The following TSPAN5 variants were observed in gnomAD, a reference collection of about 807,000 sequenced individuals.
TSPAN5 encodes tetraspanin 5, also known as tetraspanin-5.
TSPAN5 carries 10 observed loss-of-function variants against 37.1 expected under a neutral mutation model. That is an observed-to-expected ratio of 0.27 (90% CI 0.17 to 0.46). The LOEUF is 0.46. Ranked by LOEUF, TSPAN5 falls within the 20% of genes least tolerant of loss-of-function variation. TSPAN5 has a pLI of 1.00. For missense variants in TSPAN5, 195 were observed against 326.6 expected, an observed-to-expected ratio of 0.60 and a Z score of 3.11; for synonymous variants, 110 against 118.9, an observed-to-expected ratio of 0.93 and a Z score of 0.48.
rs189905086 is a variant in TSPAN5, at chr4:98,538,387, A to G, written c.82-30659T>C. ...GTCCAGAAAGCCACACACCAGCAGTACCAGTTCACTACATCAGCTCCTTAG... is the reference window on the plus strand; with the variant it reads ...GTCCAGAAAGCCACACACCAGCAGTGCCAGTTCACTACATCAGCTCCTTAG... On this transcript the variant is annotated intron_variant, in intron 1 of 7. Coordinates refer to ENST00000305798, the MANE Select transcript of TSPAN5 (RefSeq NM_005723.4). Among the ~76,000 whole-genome samples the G allele has an allele frequency of 8.1e-3, 1,240 of 152,294 alleles. 7 individuals carry two copies. Among genetic ancestry groups the G allele is most frequent in the Non-Finnish European group, 0.012 (846 of 68,016 alleles).
Position 98,550,777 on chromosome 4 carries a change from G to C in TSPAN5, c.82-43049C>G, listed in dbSNP as rs75733833. 1.3e-3 allele frequency among the ~76,000 whole-genome samples: 195 copies of C among 152,174 alleles called. 2 individuals are homozygous for C. The highest frequency in any genetic ancestry group is 4.5e-3 in the African/African-American group (186 of 41,552). ...ATTTATCAAATCTAAGAGTTTTTTG[G>C]TGGAGTCTTTAAGGTTTTCTAGATA... On this transcript the variant is annotated intron_variant, in intron 1 of 7. Transcript: ENST00000305798.
chr4:98,561,853 A>G (rs560214709), intron 1 of TSPAN5, among the ~76,000 whole-genome samples: 1 of 152,328 alleles, frequency 6.6e-6, no homozygotes, highest in South Asian at 2.1e-4. Context: ...AGACATAAAA[A>G]GAAGAGTGGT....
chr4:98,573,518 G>C (rs919739640), intron 1 of TSPAN5, among the ~76,000 whole-genome samples: 1 of 152,210 alleles, frequency 6.6e-6, no homozygotes, highest in Admixed American at 6.5e-5. Context: ...TTACAGGCTT[G>C]AGCCACCATG....
At position 98,504,169 on chromosome 4, in the gene TSPAN5, C is replaced by T. The variant is rs562225213; in HGVS notation, c.132+3509G>A. On this transcript the variant is annotated intron_variant, in intron 2 of 7. Coordinates refer to ENST00000305798, the MANE Select transcript of TSPAN5 (RefSeq NM_005723.4). The stretch of plus-strand genomic sequence containing the variant: ...TATCTGCTAAGAAAATGTGTTTCTT[C>T]CAGTGGAAATCTCATCCTTCCAGCT... Among the ~76,000 whole-genome samples, 4 of 152,268 alleles carry T rather than the reference C, an allele frequency of 2.6e-5. No homozygotes were observed. The South Asian group carries it at 6.2e-4, about 24-fold the overall frequency.
intron 1 of TSPAN5, among the ~76,000 whole-genome samples, chr4:98,617,981 T>C (rs75602528): frequency 0.018 from 2,805 of 152,324 alleles, 36 homozygotes; most frequent in South Asian, 0.051. Context: ...CAACAGGCCA[T>C]GGCATCTGCC....
intron 2 of TSPAN5, chr4:98,496,466 C>A (rs1753215842): frequency 6.6e-6 from 1 of 150,966 alleles, no homozygotes; most frequent in South Asian, 2.1e-4. Flanking sequence ...ATGGCTCCTT[C>A]CCATTTTTTC....
chr4:98,494,495 G>A (rs1454445686), intron 2 of TSPAN5, among the ~76,000 whole-genome samples: 4 of 127,330 alleles, frequency 3.1e-5, no homozygotes, highest in Non-Finnish European at 6.7e-5. Context: ...TACCTCATCT[G>A]CCTAAGCCTC....
intron 1 of TSPAN5, among the ~76,000 whole-genome samples, chr4:98,642,071 T>C (rs1282655255): frequency 6.6e-6 from 1 of 152,224 alleles, no homozygotes; most frequent in Non-Finnish European, 1.5e-5. Context: ...ATAGTTCTAA[T>C]ACTTGAGTGC....
intron 1 of TSPAN5, among the ~76,000 whole-genome samples, chr4:98,599,038 T>C (rs1755822732): frequency 1.3e-5 from 2 of 152,026 alleles, no homozygotes; most frequent in Admixed American, 6.5e-5. Context: ...TAACACACAA[T>C]CCAGAGGCTA....
intron 1 of TSPAN5, among the ~76,000 whole-genome samples, chr4:98,590,596 G>C (rs1429506332): frequency 2.6e-5 from 4 of 151,970 alleles, no homozygotes; most frequent in Non-Finnish European, 4.4e-5. Flanking sequence ...TGTAGTCCCA[G>C]CTACTCAGGA....
intron 1 of TSPAN5, 25 bp from the exon 2 acceptor site, chr4:98,507,753 A>C (rs1278673798): frequency 6.4e-7 from 1 of 1,564,200 alleles, no homozygotes; most frequent in Non-Finnish European, 8.7e-7. Context: ...AAGCAGTGTA[A>C]ATATAAGGGA....
intron 1 of TSPAN5, among the ~76,000 whole-genome samples, chr4:98,657,042 A>G (rs1282317106): frequency 6.6e-6 from 1 of 152,164 alleles, no homozygotes; most frequent in Non-Finnish European, 1.5e-5. Flanking sequence ...GACAGCCACC[A>G]TCTTTACTTT....
intron 1 of TSPAN5, among the ~76,000 whole-genome samples, chr4:98,643,146 T>A (rs893920344): frequency 2.0e-5 from 3 of 152,172 alleles, no homozygotes; most frequent in Non-Finnish European, 2.9e-5. Flanking sequence ...GTGTACCACT[T>A]TTTTATCTTT....
chr4:98,479,665 T>C (rs1033060948), intron 4 of TSPAN5, among the ~76,000 whole-genome samples: 2 of 152,216 alleles, frequency 1.3e-5, no homozygotes, highest in African/African-American at 4.8e-5. Context: ...GGTTAAGGCA[T>C]ACTCCCTTCT....
chr4:98,609,862 T>C (rs1008725323), intron 1 of TSPAN5, among the ~76,000 whole-genome samples: 1 of 152,162 alleles, frequency 6.6e-6, no homozygotes, highest in Admixed American at 6.5e-5. Flanking sequence ...TGAAGGATTC[T>C]GAGCAGAAGG....
rs1016196822 is a variant in TSPAN5 at position 98,591,969 on chromosome 4, A to G, written c.81+66177T>C. ...ACTCCCTTATTTAAAGATTTATTAT[A>G]ATGCTACAGTAATCAAGACAGTGTG... On this transcript the variant is annotated intron_variant, in intron 1 of 7. Transcript: ENST00000305798. 2.0e-5 allele frequency among the ~76,000 whole-genome samples: 3 copies of G among 151,684 alleles called. No individual in the cohort carries two copies. In the South Asian group the frequency reaches 6.2e-4, roughly 32 times the overall value.
At chr4:98,656,934 T>C (rs1478242441) in intron 1 of TSPAN5, among the ~76,000 whole-genome samples, 1 of 152,168 alleles carries the variant, frequency 6.6e-6, no homozygotes, top group African/African-American at 2.4e-5. Context: ...TTCAAATAAA[T>C]ACATTCCGTG....
intron 1 of TSPAN5, among the ~76,000 whole-genome samples, chr4:98,643,593 C>T (rs368465672): frequency 2.2e-4 from 34 of 152,250 alleles, no homozygotes; most frequent in African/African-American, 8.2e-4. Flanking sequence ...TATCTTTAAA[C>T]ATGACAAGTA....
chr4:98,480,194 A>G (rs116656061), intron 4 of TSPAN5, among the ~76,000 whole-genome samples: 1,670 of 152,294 alleles, frequency 0.011, 36 homozygotes, highest in African/African-American at 0.038. Flanking sequence ...CATACAATAA[A>G]TTGCACATTT....
Sources: allele counts gnomAD v4.1 joint callset (sites outside exome capture counted in the v4.1 genomes callset), GRCh38; gene constraint gnomAD v4.1.1; transcripts MANE v1.5; gene names NCBI Gene and HGNC (gene_info 2026-07-23, HGNC 2026-07-21).